KIF7: variants seen among roughly 807,000 people sequenced by gnomAD.
KIF7 encodes the protein kinesin family member 7.
Under a neutral mutation model 135.7 loss-of-function variants are expected in KIF7, and 104 were observed. That is an observed-to-expected ratio of 0.77 (90% confidence interval 0.65 to 0.90). The LOEUF (loss-of-function observed/expected upper bound fraction) is 0.90, where lower values mean the gene tolerates loss of function less well. KIF7 is among the 40% of genes least tolerant of loss of function. The pLI is 0.00. For synonymous variants in KIF7, 883 were observed against 809.4 expected (o/e 1.09, Z -1.54); for missense variants, 2,005 against 1,839.1 (o/e 1.09, Z -1.65).
chr15:89,619,610 A>T (rs1263896679), intron 1 of KIF7: 1 of 1,267,986 alleles, frequency 7.9e-7, no homozygotes, highest in East Asian at 2.3e-5. Flanking sequence ...TCCATCTTAT[A>T]TGTGGTACTA....
At chr15:89,631,745 C>T (rs970272528) in intron 14 of KIF7, 35 bp from the exon 15 acceptor site, 4 of 1,523,720 alleles carry the variant, frequency 2.6e-6, no homozygotes, top group Non-Finnish European at 3.6e-6. Context: ...AGAGAAGGAA[C>T]AGGCACTGTC....
At chr15:89,648,103 G>A (rs1215778673) in intron 5 of KIF7, among the ~76,000 whole-genome samples, 152 bp downstream of exon 5, 1 of 152,136 alleles carries the variant, frequency 6.6e-6, no homozygotes, top group African/African-American at 2.4e-5. Flanking sequence ...TTAAGGAAGT[G>A]ACCACGGTAA....
chr15:89,654,954 G>C (rs1373374136), intron 1 of KIF7, among the ~76,000 whole-genome samples: 2 of 152,228 alleles, frequency 1.3e-5, no homozygotes, highest in African/African-American at 2.4e-5. Context: ...TTCCGAGCCC[G>C]GTGCAGTCCC....
At chr15:89,658,788 C>T (rs749314967), upstream of KIF7, among the ~76,000 whole-genome samples, 22 of 151,444 alleles carry the variant, frequency 1.5e-4, no homozygotes, top group Non-Finnish European at 2.7e-4. Context: ...AGCTCGAGCC[C>T]GAGAGGTCAA....
At chr15:89,624,562 A>C (rs1329382245), downstream of KIF7, 1 of 1,613,740 alleles carries the variant, frequency 6.2e-7, no homozygotes, top group Non-Finnish European at 8.5e-7. Flanking sequence ...AGCTGCCCCC[A>C]CAGACTCTAG....
chr15:89,621,378 G>A (rs759538723), intron 1 of KIF7: 2 of 1,588,964 alleles, frequency 1.3e-6, no homozygotes, highest in Non-Finnish European at 1.7e-6. Flanking sequence ...TATTGTTGCT[G>A]TTTTTGACTT....
downstream of KIF7, chr15:89,627,048 CG>C (rs758905297): frequency 2.5e-6 from 4 of 1,614,126 alleles, no homozygotes; most frequent in South Asian, 4.4e-5. Context: ...AACTTATACA[CG>C]GAAGAAGCTC....
downstream of KIF7, chr15:89,626,061 G>T (rs1963519265): frequency 6.2e-7 from 1 of 1,613,632 alleles, no homozygotes; most frequent in Non-Finnish European, 8.5e-7. Context: ...AGACCCCAGA[G>T]GTAATGTTTG....
At chr15:89,631,815 AAC>A (rs1963685309) in intron 14 of KIF7, 105 bp from the exon 15 acceptor site, 1 of 954,392 alleles carries the variant, frequency 1.0e-6, no homozygotes, top group African/African-American at 1.6e-5. Context: ...TCCCTCAAGA[AAC>A]CAACACTCCA....
chr15:89,649,024 G>T lies in KIF7; in HGVS notation c.873C>A (p.Asp291Glu), dbSNP rs1458141610. ...GTATGTGGCTGCCCCGGCGCTGAGG[G>T]TCCCCCAGGGCGCTGATGACGTTGC... Reference protein sequence around the residue: ...ALGNVISALGDPQRRGSHIPY... With the variant: ...ALGNVISALGEPQRRGSHIPY... Residue 291 changes from aspartate to glutamate, a missense_variant, in exon 4 of 19, where the codon GAC becomes GAA. Physicochemically the swap from Asp to Glu is conservative, Grantham distance 45 (BLOSUM62 2). Coordinates refer to ENST00000394412, the MANE Select transcript of KIF7 (RefSeq NM_198525.3). 1 of 1,548,068 alleles carries T rather than the reference G, an allele frequency of 6.5e-7. No homozygotes were observed. The highest frequency in any genetic ancestry group is 8.7e-7 in the Non-Finnish European group (1 of 1,146,576).
intron 1 of KIF7, among the ~76,000 whole-genome samples, chr15:89,653,777 AGTATTAGTATTTTG>A (rs1964163014): frequency 6.7e-6 from 1 of 149,060 alleles, no homozygotes; most frequent in Non-Finnish European, 1.5e-5. Flanking sequence ...TATTAGTATT[AGTATTAGTATTTTG>A]TAGAGACAGT....
intron 7 of KIF7, 53 bp from the exon 8 acceptor site, chr15:89,646,079 C>T (rs1964007998): frequency 1.2e-6 from 2 of 1,608,920 alleles, no homozygotes; most frequent in East Asian, 4.5e-5. Flanking sequence ...CGATATACCC[C>T]ACCTTGCCTG....
At position 89,648,983 on chromosome 15, in the gene KIF7, T is replaced by C. The variant is rs1411628239; in HGVS notation, c.914A>G (p.Lys305Arg). 6.5e-7 allele frequency: 1 copy of C among 1,538,522 alleles called. No individual in the cohort carries two copies. The highest frequency in any genetic ancestry group is 8.8e-7 in the Non-Finnish European group (1 of 1,140,916). ...RGSHIPYRDS[K>R]ITRILKDSLG... is the part of the protein sequence containing the mutation. ...CCAGGGGGCAGCTCACCGGGTGATC[T>C]TGGAGTCGCGGTAGGGTATGTGGCT... is the stretch of plus-strand genomic sequence containing the variant. The change falls in exon 4 of 19, where the codon AAG becomes AGG. Residue 305 changes from lysine (K) to arginine (R), a missense_variant. Coordinates refer to ENST00000394412, the MANE Select transcript of KIF7 (RefSeq NM_198525.3).
upstream of KIF7, among the ~76,000 whole-genome samples, chr15:89,655,655 T>C (rs751879927): frequency 5.3e-5 from 8 of 152,120 alleles, no homozygotes; most frequent in Non-Finnish European, 8.8e-5. Flanking sequence ...TGGCATCGCC[T>C]TATTTTCTAG....
downstream of KIF7, chr15:89,626,874 TA>T: frequency 6.8e-7 from 1 of 1,480,308 alleles, no homozygotes; most frequent in Non-Finnish European, 9.3e-7. Context: ...TTTTTGTGTG[TA>T]ACCCTCTGCA....
In KIF7 at chr15:89,649,880, G is replaced by A. The variant is rs368049382; in HGVS notation, c.390C>T (p.Leu130=). 1.9e-6 allele frequency: 3 copies of A among 1,551,666 alleles called. No individual in the cohort carries two copies. Among genetic ancestry groups the A allele is most frequent in the African/African-American group, 2.7e-5 (2 of 73,078 alleles). Residue 130 remains leucine (L), a synonymous_variant, in exon 3 of 19, where the codon CTC becomes CTT. Transcript: ENST00000394412. Reference sequence around the variant, plus strand: ...AGTCAAGCAGGTCGTTCTCATCGATGAGCTTGAAGGCCTCGGCCATGGCCC... The same window carrying A: ...AGTCAAGCAGGTCGTTCTCATCGATAAGCTTGAAGGCCTCGGCCATGGCCC... ...VPRAMAEAFK[L]IDENDLLDCL...
chr15:89,628,311 T>C lies in KIF7; in HGVS notation c.*108A>G. On this transcript the variant is annotated 3_prime_UTR_variant, in exon 19 of 19. Transcript: ENST00000394412. ...CCCAGTGAGGGTACAGATGAGGGCCTGGATTTAGGGTGTGCGGTAAGGACT... is the reference window on the plus strand; with the variant it reads ...CCCAGTGAGGGTACAGATGAGGGCCCGGATTTAGGGTGTGCGGTAAGGACT... 7.0e-7 allele frequency: 1 copy of C among 1,423,672 alleles called. No homozygotes were observed. Among genetic ancestry groups the C allele is most frequent in the Admixed American group, 2.3e-5 (1 of 43,614 alleles). The allele number at this position is 1,423,672 out of a possible 1,614,324, so 88.2% of individuals were successfully genotyped here.
downstream of KIF7, chr15:89,625,393 G>A: frequency 6.2e-7 from 1 of 1,613,986 alleles, no homozygotes; most frequent in Non-Finnish European, 8.5e-7. Flanking sequence ...GGTGGGCTGT[G>A]GCGCCGGCTC....
chr15:89,633,149 G>T lies in KIF7; in HGVS notation c.2710C>A (p.Gln904Lys). The change falls in exon 13 of 19, where the codon CAG (glutamine) becomes AAG (lysine). Residue 904 changes from glutamine to lysine, a missense_variant. By Grantham distance (53) the Gln-to-Lys change is moderately conservative. Coordinates refer to ENST00000394412, the MANE Select transcript of KIF7 (RefSeq NM_198525.3). ...GSNGSVVSLEQQQKIEEQKKW... is the reference protein window; with the variant it reads ...GSNGSVVSLEKQQKIEEQKKW... ...ACACAGCCTGGCCCCACCTGCTGCT[G>T]TTCCAGGCTGACCACAGAGCCGTTG... 1.9e-6 allele frequency: 3 copies of T among 1,603,196 alleles called. No homozygotes were observed. The highest frequency in any genetic ancestry group is 1.7e-6 in the Non-Finnish European group (2 of 1,179,712).
Sources: allele counts gnomAD v4.1 joint callset (sites outside exome capture counted in the v4.1 genomes callset), GRCh38; gene constraint gnomAD v4.1.1; transcripts MANE v1.5; gene names NCBI Gene and HGNC (gene_info 2026-07-23, HGNC 2026-07-21).